Variants in SFXN5 observed in about 807,000 individuals in gnomAD.
The protein encoded by SFXN5 is sideroflexin-5.
A neutral mutation model predicts 50.2 loss-of-function variants in SFXN5; 43 were observed. The observed-to-expected ratio is 0.86, with a 90% confidence interval of 0.67 to 1.11. The LOEUF (loss-of-function observed/expected upper bound fraction) is 1.11. Among genes scored for constraint, SFXN5 ranks in the 50% least tolerant of loss-of-function variants. The probability of loss-of-function intolerance (pLI) is 0.00; values close to 1 mark genes in which losing one functional copy is unlikely to be tolerated. For synonymous variants in SFXN5, 203 were observed against 185.8 expected (o/e 1.09, Z -0.75); for missense variants, 463 against 454.1 (o/e 1.02, Z -0.18).
chr2:72,966,871 C>T (rs1674475259), intron 12 of SFXN5, among the ~76,000 whole-genome samples: 2 of 152,216 alleles, frequency 1.3e-5, no homozygotes, highest in Admixed American at 1.3e-4. Flanking sequence ...CTGCAGCTGA[C>T]CTGGGTACGG....
At chr2:73,001,745 G>GA (rs1286772659) in intron 6 of SFXN5, among the ~76,000 whole-genome samples, 167 bp from the exon 7 acceptor site, 3 of 152,044 alleles carry the variant, frequency 2.0e-5, no homozygotes, top group African/African-American at 7.2e-5. Context: ...TGTGTGATGG[G>GA]AAAAAACCAA....
chr2:73,025,092 A>C (rs541539020), intron 3 of SFXN5, among the ~76,000 whole-genome samples: 1 of 152,282 alleles, frequency 6.6e-6, no homozygotes, highest in African/African-American at 2.4e-5. Flanking sequence ...AAGCAGAATC[A>C]CTGCTAGCAC....
chr2:72,968,598 C>T (rs2105437513), intron 11 of SFXN5, 65 bp from the exon 12 acceptor site: 3 of 1,486,228 alleles, frequency 2.0e-6, no homozygotes, highest in Middle Eastern at 1.9e-4. Context: ...GCACACCACC[C>T]AGAGCCCTAG....
chr2:73,004,530 T>C (rs954359526), intron 6 of SFXN5, among the ~76,000 whole-genome samples: 2 of 151,986 alleles, frequency 1.3e-5, no homozygotes, highest in Non-Finnish European at 2.9e-5. Flanking sequence ...GTCCCGGCTA[T>C]CTAACGAAGG....
intron 3 of SFXN5, among the ~76,000 whole-genome samples, chr2:73,031,796 T>C (rs905885753): frequency 1.3e-5 from 2 of 152,330 alleles, no homozygotes; most frequent in Middle Eastern, 3.4e-3. Flanking sequence ...TCATGGACTT[T>C]GGCCCTCTCT....
At chr2:72,997,307 G>A (rs559073077) in intron 9 of SFXN5, 4 of 152,340 alleles carry the variant, frequency 2.6e-5, no homozygotes, top group African/African-American at 9.6e-5. Flanking sequence ...ATGGTACAAT[G>A]GGTAATTATA....
chr2:72,961,419 C>A lies in SFXN5; in HGVS notation c.828-171G>T, dbSNP rs1029880926. 1.3e-5 allele frequency among the ~76,000 whole-genome samples: 2 copies of A among 152,182 alleles called. No homozygotes were observed. The highest frequency in any genetic ancestry group is 2.9e-5 in the Non-Finnish European group (2 of 68,026). ...GAGTTCTGTCTTTGGGACCTTTTCC[C>A]GATAGGTACCCCTATCCCAGCGGGT... is the stretch of plus-strand genomic sequence containing the variant. On this transcript the variant is annotated intron_variant, in intron 12 of 13. Coordinates refer to ENST00000272433, the MANE Select transcript of SFXN5 (RefSeq NM_144579.3). This position sits in a 1 kb window ranked among gnomAD's most constrained non-coding sequence, Gnocchi z 4.4.
At chr2:73,013,885 A>G (rs1348975140) in intron 6 of SFXN5, among the ~76,000 whole-genome samples, 1 of 152,148 alleles carries the variant, frequency 6.6e-6, no homozygotes, top group East Asian at 1.9e-4. Context: ...AGAGGTAAAC[A>G]GTATCACGAA....
At chr2:72,986,292 C>T (rs1022669836) in intron 10 of SFXN5, among the ~76,000 whole-genome samples, 6 of 152,224 alleles carry the variant, frequency 3.9e-5, no homozygotes, top group African/African-American at 1.2e-4. Flanking sequence ...GGCTGCCCAG[C>T]AATGACCTCT....
At chr2:72,996,708 A>G (rs953672319) in intron 9 of SFXN5, 1 of 151,746 alleles carries the variant, frequency 6.6e-6, no homozygotes, top group African/African-American at 2.4e-5. Flanking sequence ...GGGTTTTGCT[A>G]TGTTACTCAG....
At chr2:73,004,315 G>GCA (rs59114781) in intron 6 of SFXN5, among the ~76,000 whole-genome samples, 11,046 of 115,466 alleles carry the variant, frequency 0.096, 565 homozygotes, top group African/African-American at 0.16. Context: ...GAGTGCGCGC[G>GCA]CACACACACA....
chr2:73,000,576 A>C, intron 7 of SFXN5, 89 bp from the exon 8 acceptor site: 1 of 1,269,254 alleles, frequency 7.9e-7, no homozygotes, highest in South Asian at 1.3e-5. Context: ...ACATCCCCAG[A>C]AAGGCACAGC....
intron 6 of SFXN5, among the ~76,000 whole-genome samples, chr2:73,006,672 A>G (rs996499673): frequency 2.6e-5 from 4 of 152,112 alleles, no homozygotes; most frequent in African/African-American, 9.7e-5. Context: ...AGTGTTGTGG[A>G]TGTTTTCTAC....
intron 2 of SFXN5, chr2:73,041,689 TA>T (rs2105928076): frequency 2.6e-6 from 1 of 378,416 alleles, no homozygotes; most frequent in Admixed American, 3.1e-5. Flanking sequence ...AGAAAGCCTT[TA>T]TAAGGAGGAT....
At chr2:72,955,311 C>T (rs563374917) in intron 13 of SFXN5, among the ~76,000 whole-genome samples, 13 of 152,240 alleles carry the variant, frequency 8.5e-5, no homozygotes, top group Admixed American at 1.3e-4. Context: ...GCAGTAATCC[C>T]GCTGCACAGT....
rs761692448 is a variant in SFXN5 at position 72,992,813 on chromosome 2, T to C, written c.535-4465A>G. On this transcript the variant is annotated intron_variant, in intron 9 of 13. Coordinates refer to ENST00000272433, the MANE Select transcript of SFXN5 (RefSeq NM_144579.3). The surrounding 1 kb of genome is among the most constrained non-coding windows in gnomAD (Gnocchi z 4.5). ...GCAGTCGGAGTGAAGTCTGAAAACA[T>C]GGCGACTTGCTTAAAGCCTTCGGTG... Among the ~76,000 whole-genome samples the C allele has an allele frequency of 6.6e-5, 10 of 152,192 alleles. No individual in the cohort carries two copies. The highest frequency in any genetic ancestry group is 1.5e-4 in the Non-Finnish European group (10 of 68,038).
chr2:73,020,285 G>A lies in SFXN5; in HGVS notation c.332-21C>T, dbSNP rs989616020. ...ATAACCTGTGAACGAGAAGAAAAGA[G>A]TCAGGCCTTATAATCCACTCACATC... is the stretch of plus-strand genomic sequence containing the variant. On this transcript the variant is annotated intron_variant, in intron 5 of 13. Transcript: ENST00000272433. The A allele has an allele frequency of 3.1e-6, 5 of 1,613,732 alleles. No individual in the cohort carries two copies. In the African/African-American group the frequency reaches 5.3e-5, roughly 17 times the overall value.
intron 3 of SFXN5, among the ~76,000 whole-genome samples, chr2:73,038,755 A>G (rs934750886): frequency 2.0e-5 from 3 of 152,218 alleles, no homozygotes; most frequent in Non-Finnish European, 4.4e-5. Context: ...ATTGTACAAA[A>G]TATTTTTCTT....
intron 2 of SFXN5, among the ~76,000 whole-genome samples, chr2:73,047,300 A>AAAT (rs1559200173): frequency 0.038 from 3,874 of 102,818 alleles, 165 homozygotes; most frequent in East Asian, 0.068. Flanking sequence ...ATATATATAA[A>AAAT]ATATATATGT....
Sources: allele counts gnomAD v4.1 joint callset (sites outside exome capture counted in the v4.1 genomes callset), GRCh38; gene constraint gnomAD v4.1.1; non-coding constraint Gnocchi (gnomAD v3.1); transcripts MANE v1.5; gene names NCBI Gene and HGNC (gene_info 2026-07-23, HGNC 2026-07-21).